Variants in SETMAR observed in about 807,000 individuals in gnomAD.
SETMAR encodes histone-lysine N-methyltransferase SETMAR.
In SETMAR, 44 loss-of-function variants were observed where a neutral mutation model predicts 58.4. The observed-to-expected ratio is 0.75, with a 90% confidence interval of 0.59 to 0.97. SETMAR has a LOEUF of 0.97. SETMAR is among the 50% of genes least tolerant of loss of function. The pLI, the probability that SETMAR is intolerant of heterozygous loss-of-function variation, is 0.00. For synonymous variants in SETMAR, 332 were observed against 307.4 expected, an observed-to-expected ratio of 1.08 and a Z score of -0.84; for missense variants, 903 against 840.2, an observed-to-expected ratio of 1.07 and a Z score of -0.92.
intron 2 of SETMAR, among the ~76,000 whole-genome samples, chr3:4,314,706 A>G (rs549734627): frequency 2.6e-5 from 4 of 152,312 alleles, no homozygotes; most frequent in African/African-American, 9.6e-5. Flanking sequence ...GAGTTTTATG[A>G]TCCCGTTTAA....
At position 4,313,168 on chromosome 3, in the gene SETMAR, G is replaced by A; in HGVS notation, c.427G>A (p.Val143Met). 1 of 1,614,018 alleles carries A rather than the reference G, an allele frequency of 6.2e-7. No individual in the cohort carries two copies. The highest frequency in any genetic ancestry group is 8.5e-7 in the Non-Finnish European group (1 of 1,179,982). ...VQKGLQFHFQ[V>M]FKTHKKGWGL... ...GAAAGGTCTACAGTTCCACTTCCAA[G>A]TGTTCAAGACGCATAAAAAAGGCTG... Residue 143 changes from valine (V) to methionine (M), a missense_variant, in exon 2 of 3, where the codon GTG becomes ATG. By Grantham distance (21) the Val-to-Met change is conservative. Coordinates refer to ENST00000358065, the MANE Select transcript of SETMAR (RefSeq NM_006515.4).
At chr3:4,307,197 T>C (rs1024561713) in intron 1 of SETMAR, among the ~76,000 whole-genome samples, 26 of 152,234 alleles carry the variant, frequency 1.7e-4, no homozygotes, top group Admixed American at 1.6e-3. Context: ...TGTTACAGTA[T>C]CATACTTCAG....
rs1307428005 is a variant in SETMAR at position 4,313,559 on chromosome 3, A to G, written c.818A>G (p.Glu273Gly). The G allele has an allele frequency of 6.2e-7, 1 of 1,614,020 alleles. No individual in the cohort carries two copies. Among genetic ancestry groups the G allele is most frequent in the Admixed American group, 1.7e-5 (1 of 59,980 alleles). The change falls in exon 2 of 3, where the codon GAA (glutamate) becomes GGA (glycine). Residue 273 changes from glutamate (E) to glycine (G), a missense_variant. By Grantham distance (98) the Glu-to-Gly change is moderately conservative (BLOSUM62 -2). Coordinates refer to ENST00000358065, the MANE Select transcript of SETMAR (RefSeq NM_006515.4). ...AGATATCTTAATCTAACAGTCAGTG[A>G]AGACAAAGAAAGGCTAGATCATGGG... ...SGRYLNLTVSEDKERLDHGKL... is the reference protein window; with the variant it reads ...SGRYLNLTVSGDKERLDHGKL...
chr3:4,314,777 C>T (rs1698569377), intron 2 of SETMAR, among the ~76,000 whole-genome samples: 1 of 152,134 alleles, frequency 6.6e-6, no homozygotes, highest in African/African-American at 2.4e-5. Flanking sequence ...TGCAAAAATA[C>T]AGTTACTGTG....
chr3:4,313,650 T>A lies in SETMAR; in HGVS notation c.909T>A (p.Ser303=), dbSNP rs1306352214. 1 of 1,614,110 alleles carries A rather than the reference T, an allele frequency of 6.2e-7. No homozygotes were observed. The highest frequency in any genetic ancestry group is 8.5e-7 in the Non-Finnish European group (1 of 1,179,992). ...CTGCTTTCCTGCCTTTTGACAGTTCTCTGTACTGCCCCGTAGAAAAGTCGA... is the reference window on the plus strand; with the variant it reads ...CTGCTTTCCTGCCTTTTGACAGTTCACTGTACTGCCCCGTAGAAAAGTCGA... ...SCTAFLPFDS[S]LYCPVEKSNI... The change falls in exon 2 of 3, where the codon TCT becomes TCA. Residue 303 remains serine, a synonymous_variant. Coordinates refer to ENST00000358065, the MANE Select transcript of SETMAR (RefSeq NM_006515.4).
intron 1 of SETMAR, chr3:4,303,897 G>T (rs906523117): frequency 1.6e-6 from 2 of 1,243,004 alleles, no homozygotes; most frequent in African/African-American, 1.6e-5. Context: ...CCTATTAATG[G>T]ATCGCAGCCG....
intron 1 of SETMAR, among the ~76,000 whole-genome samples, chr3:4,309,058 T>A (rs1698303623): frequency 6.6e-6 from 1 of 152,206 alleles, no homozygotes; most frequent in Non-Finnish European, 1.5e-5. Context: ...AAGCAGAGGC[T>A]TCCAGTTTCT....
chr3:4,305,513 GGAAA>G (rs1698156234), intron 1 of SETMAR, among the ~76,000 whole-genome samples: 1 of 152,044 alleles, frequency 6.6e-6, no homozygotes. Flanking sequence ...TCCTTGTTGT[GGAAA>G]GAAAGAAAAA....
intron 1 of SETMAR, among the ~76,000 whole-genome samples, chr3:4,309,835 C>A (rs978091247): frequency 6.6e-6 from 1 of 152,214 alleles, no homozygotes; most frequent in African/African-American, 2.4e-5. Context: ...CATTAGCTTT[C>A]AGATACAATT....
rs544786586 is a variant in SETMAR at position 4,316,625 on chromosome 3, T to C, written c.1434T>C (p.Ser478=). 1.6e-5 allele frequency: 25 copies of C among 1,551,306 alleles called. No homozygotes were observed. The East Asian group carries it at 5.4e-4, about 33-fold the overall frequency. Residue 478 remains serine (S), a synonymous_variant, in exon 3 of 3, where the codon TCT becomes TCC. Coordinates refer to ENST00000358065, the MANE Select transcript of SETMAR (RefSeq NM_006515.4). ...ATCGTCGTTTTGAAGTGTCATCTTCTCTTATTCTACGCAACCACAACGAAC... is the reference window on the plus strand; with the variant it reads ...ATCGTCGTTTTGAAGTGTCATCTTCCCTTATTCTACGCAACCACAACGAAC... ...QKNRRFEVSS[S]LILRNHNEPF... is the part of the protein sequence containing the mutation.
chr3:4,308,303 G>C (rs1698271307), intron 1 of SETMAR, among the ~76,000 whole-genome samples: 1 of 152,144 alleles, frequency 6.6e-6, no homozygotes, highest in Non-Finnish European at 1.5e-5. Context: ...TGCACTACCT[G>C]CAAAATTTTT....
At chr3:4,305,670 C>T (rs998950541) in intron 1 of SETMAR, among the ~76,000 whole-genome samples, 8 of 151,978 alleles carry the variant, frequency 5.3e-5, no homozygotes, top group Admixed American at 4.6e-4. Context: ...TGATGTTATG[C>T]CAGAGTCAGG....
At chr3:4,303,570 C>G in intron 1 of SETMAR, 44 bp downstream of exon 1, 1 of 1,340,524 alleles carries the variant, frequency 7.5e-7, no homozygotes, top group Non-Finnish European at 9.5e-7. Flanking sequence ...CGCGCGGCTC[C>G]CCCACGTGGT....
rs775359405 is a variant in SETMAR, at chr3:4,316,699, A to G, written c.1508A>G (p.Asp503Gly). The G allele has an allele frequency of 1.3e-6, 2 of 1,551,080 alleles. No individual in the cohort carries two copies. The highest frequency in any genetic ancestry group is 1.2e-5 in the South Asian group (1 of 84,048). Residue 503 changes from aspartate to glycine, a missense_variant, in exon 3 of 3, where the codon GAC becomes GGC. Transcript: ENST00000358065. ...VTCDEKWILY[D>G]NRRRSAQWLD... ...TGTGATGAAAAGTGGATTTTATATGACAACCGGCGACGATCAGCTCAGTGG... is the reference window on the plus strand; with the variant it reads ...TGTGATGAAAAGTGGATTTTATATGGCAACCGGCGACGATCAGCTCAGTGG...
Position 4,317,202 on chromosome 3 carries a change from C to A in SETMAR, c.2011C>A (p.Arg671Ser). The A allele has an allele frequency of 6.5e-7, 1 of 1,547,958 alleles. No individual in the cohort carries two copies. Among genetic ancestry groups the A allele is most frequent in the South Asian group, 1.2e-5 (1 of 83,898 alleles). ...YATGINQLIS[R>S]WQKCVDCNGS... Reference sequence around the variant, plus strand: ...TACAGGAATAAACCAACTTATTTCTCGTTGGCAAAAATGTGTTGATTGTAA... The same window carrying A: ...TACAGGAATAAACCAACTTATTTCTAGTTGGCAAAAATGTGTTGATTGTAA... Residue 671 changes from arginine to serine, a missense_variant, in exon 3 of 3, where the codon CGT becomes AGT. Arg to Ser is a moderately radical substitution (Grantham distance 110). Transcript: ENST00000358065.
At position 4,317,248 on chromosome 3, in the gene SETMAR, A is replaced by G; in HGVS notation, c.*2A>G. On this transcript the variant is annotated 3_prime_UTR_variant, in exon 3 of 3. Coordinates refer to ENST00000358065, the MANE Select transcript of SETMAR (RefSeq NM_006515.4). The stretch of plus-strand genomic sequence containing the variant: ...TGTAATGGTTCCTATTTTGATTAAT[A>G]AAAATGCGTTGAGCCTAGTTATAAT... 6.6e-7 allele frequency: 1 copy of G among 1,523,992 alleles called. No individual in the cohort carries two copies. The highest frequency in any genetic ancestry group is 1.2e-5 in the South Asian group (1 of 82,496). The allele number at this position is 1,523,992 out of a possible 1,614,324, so 94.4% of individuals were successfully genotyped here.
At chr3:4,304,560 G>A (rs1324477916) in intron 1 of SETMAR, among the ~76,000 whole-genome samples, 1 of 152,222 alleles carries the variant, frequency 6.6e-6, no homozygotes, top group Non-Finnish European at 1.5e-5. Context: ...ATGGTTCGGA[G>A]CTTAGACATC....
chr3:4,310,499 CA>C (rs1698361238), intron 1 of SETMAR, among the ~76,000 whole-genome samples: 1 of 152,102 alleles, frequency 6.6e-6, no homozygotes, highest in Admixed American at 6.5e-5. Flanking sequence ...TTATATCCAT[CA>C]CGGGGAAAAA....
At chr3:4,306,145 T>TG (rs2125076833) in intron 1 of SETMAR, among the ~76,000 whole-genome samples, 1 of 152,292 alleles carries the variant, frequency 6.6e-6, no homozygotes, top group South Asian at 2.1e-4. Flanking sequence ...CTGCCGTGCG[T>TG]GTGTGTGTGC....
Sources: gnomAD v4.1 joint callset for allele counts (sites outside exome capture counted in the v4.1 genomes callset) on GRCh38, gnomAD v4.1.1 for gene constraint, MANE v1.5 for transcripts, NCBI Gene and HGNC (gene_info 2026-07-23, HGNC 2026-07-21) for gene names.